Variants in PAFAH2 observed in about 807,000 individuals in gnomAD.
PAFAH2 encodes the protein platelet activating factor acetylhydrolase 2.
A neutral mutation model predicts 49.0 loss-of-function variants in PAFAH2; 42 were observed. That is an observed-to-expected ratio of 0.86 (90% CI 0.67 to 1.11). The LOEUF (loss-of-function observed/expected upper bound fraction) is 1.11, where lower values mean the gene tolerates loss of function less well. Ranked by LOEUF, PAFAH2 falls within the 50% of genes least tolerant of loss-of-function variation. The pLI is 0.00. For missense variants in PAFAH2, 503 were observed against 501.8 expected (o/e 1.00, Z -0.02); for synonymous variants, 184 against 181.3 (o/e 1.01, Z -0.12).
intron 7 of PAFAH2, among the ~76,000 whole-genome samples, chr1:25,982,032 A>T (rs2049696812): frequency 6.6e-6 from 1 of 152,024 alleles, no homozygotes; most frequent in Non-Finnish European, 1.5e-5. Context: ...AAAAAAAAAA[A>T]AAAGCAAAAA....
intron 3 of PAFAH2, among the ~76,000 whole-genome samples, chr1:25,988,549 T>C (rs1348282107): frequency 6.6e-6 from 1 of 151,748 alleles, no homozygotes; most frequent in East Asian, 1.9e-4. Context: ...GCGCAGTGGC[T>C]CACGCCTGTA....
chr1:25,982,647 T>A (rs1374919197), intron 6 of PAFAH2, among the ~76,000 whole-genome samples, 170 bp from the exon 7 acceptor site: 8 of 152,176 alleles, frequency 5.3e-5, no homozygotes, highest in Non-Finnish European at 1.2e-4. Flanking sequence ...GCAGCTCACA[T>A]AAGCACTGCC....
chr1:25,977,908 T>C (rs942036663), intron 7 of PAFAH2, among the ~76,000 whole-genome samples: 1 of 152,194 alleles, frequency 6.6e-6, no homozygotes, highest in South Asian at 2.1e-4. Flanking sequence ...TCTTTGGATA[T>C]ATGTCGTGAT....
Position 25,984,032 on chromosome 1 carries a change from G to T in PAFAH2, c.466C>A (p.Pro156Thr). Residue 156 changes from proline (P) to threonine (T), a missense_variant, in exon 6 of 11, where the codon CCC (proline) becomes ACC (threonine). Transcript: ENST00000374282. ...FCKQAPEENQ[P>T]TNESLQEEWI... ...TCCTCCTGCAGCGATTCATTGGTGG[G>T]CTGGTTCTCTTCTGGGGCCTGCTTG... The T allele has an allele frequency of 6.2e-7, 1 of 1,614,132 alleles. No homozygotes were observed. The highest frequency in any genetic ancestry group is 1.3e-5 in the African/African-American group (1 of 75,024).
At chr1:25,993,251 G>A (rs1279028335) in intron 1 of PAFAH2, among the ~76,000 whole-genome samples, 1 of 152,154 alleles carries the variant, frequency 6.6e-6, no homozygotes, top group Non-Finnish European at 1.5e-5. Context: ...GGGTCCACAT[G>A]TTAATGATTA....
intron 8 of PAFAH2, among the ~76,000 whole-genome samples, chr1:25,975,983 C>T (rs574412678): frequency 2.6e-5 from 4 of 152,254 alleles, no homozygotes; most frequent in East Asian, 1.9e-4. Context: ...TCACTCACTA[C>T]GCTCCTCCCA....
chr1:25,966,283 AAAG>A (rs1009801263), intron 10 of PAFAH2, among the ~76,000 whole-genome samples: 1 of 152,204 alleles, frequency 6.6e-6, no homozygotes, highest in Non-Finnish European at 1.5e-5. Context: ...ACCCAAAGGG[AAAG>A]AAATCATTAC....
At chr1:25,975,537 G>A (rs532648468) in intron 8 of PAFAH2, among the ~76,000 whole-genome samples, 40 of 152,242 alleles carry the variant, frequency 2.6e-4, no homozygotes, top group African/African-American at 8.2e-4. Context: ...TTGTACCACT[G>A]CACTCCAGCA....
chr1:25,984,966 T>C (rs1028830975), intron 4 of PAFAH2, among the ~76,000 whole-genome samples: 5 of 150,584 alleles, frequency 3.3e-5, no homozygotes, highest in Non-Finnish European at 3.0e-5. Context: ...GTGATTCTCC[T>C]GCCTCAGCCT....
chr1:25,987,540 C>A (rs960091399), intron 4 of PAFAH2, among the ~76,000 whole-genome samples: 1 of 151,980 alleles, frequency 6.6e-6, no homozygotes, highest in Non-Finnish European at 1.5e-5. Context: ...GTCTCTTATT[C>A]GCTACTACGC....
chr1:25,980,347 G>A (rs924895924), intron 7 of PAFAH2, among the ~76,000 whole-genome samples: 43 of 150,852 alleles, frequency 2.9e-4, no homozygotes, highest in Admixed American at 2.7e-3. Context: ...TTTTTGAGAC[G>A]GAGTCTCGCC....
At chr1:25,980,947 C>A (rs2049678419) in intron 7 of PAFAH2, among the ~76,000 whole-genome samples, 1 of 151,876 alleles carries the variant, frequency 6.6e-6, no homozygotes, top group African/African-American at 2.4e-5. Flanking sequence ...GTGATCACAT[C>A]ACTGTACCTC....
intron 10 of PAFAH2, among the ~76,000 whole-genome samples, chr1:25,971,800 C>T (rs2049513289): frequency 6.6e-6 from 1 of 152,216 alleles, no homozygotes; most frequent in South Asian, 2.1e-4. Flanking sequence ...CTGCAGGCCT[C>T]GCCCTTTAGC....
chr1:25,995,799 T>C (rs1314903044), intron 1 of PAFAH2, among the ~76,000 whole-genome samples: 2 of 152,234 alleles, frequency 1.3e-5, no homozygotes, highest in African/African-American at 2.4e-5. Context: ...TTGGGTTTTA[T>C]ATTTTTTTGT....
rs2049318431 is a variant in PAFAH2 at position 25,960,156 on chromosome 1, CCTT to C, written c.*1830_*1832del. The C allele has an allele frequency of 6.6e-6, 1 of 152,108 alleles. No homozygotes were observed. The highest frequency in any genetic ancestry group is 2.4e-5 in the African/African-American group (1 of 41,418). The allele number at this position is 152,108 out of a possible 1,614,324, so 9.4% of individuals were successfully genotyped here. On this transcript the variant is annotated 3_prime_UTR_variant, in exon 11 of 11. Coordinates refer to ENST00000374282, the MANE Select transcript of PAFAH2 (RefSeq NM_000437.4). ...TTAGAGCCCAGGGCTTTAATGATAC[CCTT>C]CTTATGCTATGTCTCATGGGAATTC...
chr1:25,980,328 AG>A (rs1309094771), intron 7 of PAFAH2, among the ~76,000 whole-genome samples: 1 of 151,126 alleles, frequency 6.6e-6, no homozygotes, highest in African/African-American at 2.5e-5. Context: ...TAAATATATA[AG>A]TTTTTTTTTT....
intron 9 of PAFAH2, among the ~76,000 whole-genome samples, chr1:25,973,700 G>T (rs2124332215): frequency 6.6e-6 from 1 of 152,318 alleles, no homozygotes; most frequent in Non-Finnish European, 1.5e-5. Context: ...GCCGGCCCCA[G>T]TGCTCGAGGG....
At chr1:25,978,202 A>AT (rs201937367) in intron 7 of PAFAH2, among the ~76,000 whole-genome samples, 8 of 152,176 alleles carry the variant, frequency 5.3e-5, no homozygotes, top group Admixed American at 4.6e-4. Context: ...CCTCTTCAAC[A>AT]TTAAAAAAAA....
rs1251995704 is a variant in PAFAH2, at chr1:25,992,085, CT to C, written c.-47-1223del. ...ACAGATGCAAAGTTACTGAACTAAG[CT>C]TTTTCTTAAAACCGTTTGATTTTTT... On this transcript the variant is annotated intron_variant, in intron 1 of 10. Transcript: ENST00000374282. Among the ~76,000 whole-genome samples, 9 of 132,602 alleles carry C rather than the reference CT, an allele frequency of 6.8e-5. No individual in the cohort carries two copies. In the East Asian group the frequency reaches 2.2e-3, roughly 33 times the overall value. The allele number at this position is 132,602 out of a possible 152,430, so 87.0% of individuals were successfully genotyped here. A position where few individuals can be genotyped will look rare whatever the true frequency, so the allele number is the denominator to read the frequency against.
Sources: gnomAD v4.1 joint callset for allele counts (sites outside exome capture counted in the v4.1 genomes callset) on GRCh38, gnomAD v4.1.1 for gene constraint, MANE v1.5 for transcripts, NCBI Gene and HGNC (gene_info 2026-07-23, HGNC 2026-07-21) for gene names.